Variants in ABR observed in about 807,000 individuals in gnomAD.
ABR encodes the protein active breakpoint cluster region-related protein.
Under a neutral mutation model 107.2 loss-of-function variants are expected in ABR, and 35 were observed. The ratio of observed to expected loss-of-function variants is 0.33; its 90% CI spans 0.25 to 0.43. ABR has a LOEUF of 0.43. ABR is among the 20% of genes least tolerant of loss of function. The pLI, the probability that ABR is intolerant of heterozygous loss-of-function variation, is 1.00. For missense variants in ABR, 815 were observed against 1,115.2 expected, an observed-to-expected ratio of 0.73 and a Z score of 3.83; for synonymous variants, 498 against 462.0, an observed-to-expected ratio of 1.08 and a Z score of -1.00.
At chr17:1,120,532 GCCT>G (rs1047022385) in intron 2 of ABR, among the ~76,000 whole-genome samples, 4 of 152,174 alleles carry the variant, frequency 2.6e-5, no homozygotes, top group African/African-American at 9.7e-5. Context: ...ACCCACCTCG[GCCT>G]CCCAAAGTGC....
intron 1 of ABR, among the ~76,000 whole-genome samples, chr17:1,132,214 C>T (rs1013030872): frequency 1.3e-5 from 2 of 151,246 alleles, no homozygotes; most frequent in African/African-American, 4.8e-5. Context: ...CACACACACA[C>T]AAAGACACGC....
rs748563503 is a variant in ABR, at chr17:1,005,579, G to T, written c.*501C>A. ...AGACCAAGGGTGCACATGCATGCAG[G>T]CAGGCTGGGAAGGAAGAGCGGGTGG... On this transcript the variant is annotated 3_prime_UTR_variant, in exon 23 of 23. Coordinates refer to ENST00000302538, the MANE Select transcript of ABR (RefSeq NM_021962.5). 4.6e-5 allele frequency: 9 copies of T among 194,730 alleles called. No individual in the cohort carries two copies. The highest frequency in any genetic ancestry group is 9.4e-5 in the Non-Finnish European group (9 of 95,862). The allele number at this position is 194,730 out of a possible 1,614,324, so 12.1% of individuals were successfully genotyped here. A position where few individuals can be genotyped will look rare whatever the true frequency, so the allele number is the denominator to read the frequency against.
chr17:1,107,629 C>A (rs1346906072), intron 2 of ABR, among the ~76,000 whole-genome samples: 4 of 152,224 alleles, frequency 2.6e-5, no homozygotes, highest in Admixed American at 2.0e-4. Flanking sequence ...CATTGCTACT[C>A]CCAGCCTGAC....
At chr17:1,024,037 A>AAAAAAAAAAAAAAAAAAC (rs2071958804) in intron 16 of ABR, among the ~76,000 whole-genome samples, 1 of 148,038 alleles carries the variant, frequency 6.8e-6, no homozygotes. Context: ...AAAAAAAAAA[A>AAAAAAAAAAAAAAAAAAC]AAAAAAAAAA....
chr17:1,167,469 C>G lies in ABR; in HGVS notation c.61+12198G>C, dbSNP rs73975663. ...CTGGGTGTTGCGGGGAAGGGAGAACCACCATGGTGAAAGGCTGGTCCCCCG... is the reference window on the plus strand; with the variant it reads ...CTGGGTGTTGCGGGGAAGGGAGAACGACCATGGTGAAAGGCTGGTCCCCCG... On this transcript the variant is annotated intron_variant, in intron 1 of 22. Coordinates refer to ENST00000302538, the MANE Select transcript of ABR (RefSeq NM_021962.5). Among the ~76,000 whole-genome samples the G allele has an allele frequency of 7.3e-3, 1,106 of 152,296 alleles. 9 individuals carry two copies. The highest frequency in any genetic ancestry group is 0.025 in the African/African-American group (1,053 of 41,550).
Position 1,114,208 on chromosome 17 carries a change from C to T in ABR, c.246+10975G>A, listed in dbSNP as rs538016126. On this transcript the variant is annotated intron_variant, in intron 2 of 22. Coordinates refer to ENST00000302538, the MANE Select transcript of ABR (RefSeq NM_021962.5). ...AAATTAGGCTGGGCGCAGTGGCTCA[C>T]GCCTTTAATCCCGCACTTTGGGAGG... 1.0e-3 allele frequency among the ~76,000 whole-genome samples: 152 copies of T among 149,898 alleles called. 2 individuals are homozygous for T. The highest frequency in any genetic ancestry group is 1.0e-3 in the Non-Finnish European group (70 of 67,610).
In ABR at chr17:1,037,504, C is replaced by G. The variant is rs1475681370; in HGVS notation, c.1791+12546G>C. Among the ~76,000 whole-genome samples the G allele has an allele frequency of 1.3e-5, 2 of 152,238 alleles. No homozygotes were observed. The highest frequency in any genetic ancestry group is 2.9e-5 in the Non-Finnish European group (2 of 68,042). On this transcript the variant is annotated intron_variant, in intron 16 of 22. Coordinates refer to ENST00000302538, the MANE Select transcript of ABR (RefSeq NM_021962.5). The surrounding 1 kb of genome is among the most constrained non-coding windows in gnomAD (Gnocchi z 4.6). The stretch of plus-strand genomic sequence containing the variant: ...TGGCAAACCCTAGCGATTCTCACAG[C>G]ACATTTGGTCATGGAAAAGGGTGAA...
intron 1 of ABR, among the ~76,000 whole-genome samples, chr17:1,208,552 C>A (rs1440884070): frequency 6.6e-6 from 1 of 152,226 alleles, no homozygotes; most frequent in Non-Finnish European, 1.5e-5. Context: ...TAGAGAAGTG[C>A]TGACCACTGC....
chr17:1,108,968 G>C (rs574974466), intron 2 of ABR: 2 of 1,597,388 alleles, frequency 1.3e-6, no homozygotes, highest in African/African-American at 2.7e-5. Flanking sequence ...CCCTGAGCCG[G>C]GGCTGGTCGG....
chr17:1,109,002 G>A (rs1394149892), intron 2 of ABR: 1 of 1,598,488 alleles, frequency 6.3e-7, no homozygotes, highest in Non-Finnish European at 8.5e-7. Context: ...CACTCCTCCA[G>A]GAGAAACACA....
At chr17:1,072,485 G>C (rs2035319770) in intron 8 of ABR, 129 bp downstream of exon 8, 3 of 460,168 alleles carry the variant, frequency 6.5e-6, no homozygotes, top group Non-Finnish European at 1.1e-5. Context: ...GAGAGAAGGG[G>C]ACGAGGGACC....
In ABR at chr17:1,056,068, C is replaced by T. The variant is rs1435336473; in HGVS notation, c.1528G>A (p.Val510Ile). 6.2e-6 allele frequency: 10 copies of T among 1,614,106 alleles called. No homozygotes were observed. The highest frequency in any genetic ancestry group is 1.7e-4 in the Middle Eastern group (1 of 6,060). ...TGCTTAAATCCCTTGGCAGAGTGGA[C>T]GATGACATGAAGGAAGCCATAGAGT... Reference protein sequence around the residue: ...PGLYGFLHVIVHSAKGFKQSA... With the variant: ...PGLYGFLHVIIHSAKGFKQSA... Residue 510 changes from valine (V) to isoleucine (I), a missense_variant, in exon 14 of 23, where the codon GTC becomes ATC. Physicochemically the swap from Val to Ile is conservative, Grantham distance 29. This residue lies in a region of ABR where 385 missense variants were observed against 596.9 expected (regional missense o/e 0.64). Coordinates refer to ENST00000302538, the MANE Select transcript of ABR (RefSeq NM_021962.5).
intron 13 of ABR, 44 bp from the exon 14 acceptor site, chr17:1,056,153 T>C: frequency 1.3e-6 from 2 of 1,573,002 alleles, no homozygotes; most frequent in Non-Finnish European, 1.7e-6. Flanking sequence ...GGTCAGCGGA[T>C]CCCCTCAGCC....
At chr17:1,113,631 G>A (rs1449999418) in intron 2 of ABR, among the ~76,000 whole-genome samples, 7 of 152,082 alleles carry the variant, frequency 4.6e-5, no homozygotes, top group African/African-American at 1.7e-4. Flanking sequence ...CCTCCTCCAG[G>A]GAGCCTCCCG....
chr17:1,009,958 T>G, intron 20 of ABR, 174 bp from the exon 21 acceptor site: 2 of 616,726 alleles, frequency 3.2e-6, no homozygotes, highest in South Asian at 1.9e-5. Context: ...AGCTGCTTCC[T>G]CCAGGAGGCC....
intron 16 of ABR, among the ~76,000 whole-genome samples, chr17:1,016,984 C>T (rs1048014864): frequency 5.9e-5 from 9 of 152,090 alleles, no homozygotes; most frequent in Non-Finnish European, 1.0e-4. Context: ...ATCACCCACA[C>T]ACCGGCTGGG....
At position 1,210,888 on chromosome 17, in the gene ABR, T is replaced by G. The variant is rs1294902885; in HGVS notation, c.838+17905A>C. Reference sequence around the variant, plus strand: ...CGGAAAGGGCCCTATATTTTAAAGGTGCCAGACATTTACCACCTCATATCA... The same window carrying G: ...CGGAAAGGGCCCTATATTTTAAAGGGGCCAGACATTTACCACCTCATATCA... On this transcript the variant is annotated intron_variant, in intron 1 of 22. Coordinates refer to the ABR transcript ENST00000574139. This position sits in a 1 kb window ranked among gnomAD's most constrained non-coding sequence, Gnocchi z 5.6. Among the ~76,000 whole-genome samples, 1 of 152,140 alleles carries G rather than the reference T, an allele frequency of 6.6e-6. No homozygotes were observed. Among genetic ancestry groups the G allele is most frequent in the Non-Finnish European group, 1.5e-5 (1 of 68,018 alleles).
chr17:1,213,937 G>A (rs1435745219), intron 1 of ABR, among the ~76,000 whole-genome samples: 2 of 151,864 alleles, frequency 1.3e-5, no homozygotes, highest in East Asian at 3.9e-4. Context: ...GCCCAGGCTG[G>A]AGTGCAATGG....
At chr17:1,164,790 C>T (rs563754801) in intron 1 of ABR, among the ~76,000 whole-genome samples, 13 of 152,200 alleles carry the variant, frequency 8.5e-5, no homozygotes, top group South Asian at 4.2e-4. Flanking sequence ...CCTCAGCCTC[C>T]GTAGGAGCTG....
Sources: allele counts gnomAD v4.1 joint callset (sites outside exome capture counted in the v4.1 genomes callset), GRCh38; gene constraint gnomAD v4.1.1; regional missense constraint gnomAD v4.1.1; non-coding constraint Gnocchi (gnomAD v3.1); transcripts MANE v1.5; gene names NCBI Gene and HGNC (gene_info 2026-07-23, HGNC 2026-07-21).